The following RSPO2 variants were observed in gnomAD, a reference collection of about 807,000 sequenced individuals.
RSPO2 encodes R-spondin-2.
Under a neutral mutation model 30.9 loss-of-function variants are expected in RSPO2, and 14 were observed. The ratio of observed to expected loss-of-function variants is 0.45; its 90% CI spans 0.30 to 0.71. The LOEUF (loss-of-function observed/expected upper bound fraction) is 0.71. Among genes scored for constraint, RSPO2 ranks in the 30% least tolerant of loss-of-function variants. The probability of loss-of-function intolerance (pLI) is 0.08; values close to 1 mark genes in which losing one functional copy is unlikely to be tolerated. For missense variants in RSPO2, 264 were observed against 301.9 expected, an observed-to-expected ratio of 0.87 and a Z score of 0.93; for synonymous variants, 107 against 96.4, an observed-to-expected ratio of 1.11 and a Z score of -0.64.
intron 3 of RSPO2, among the ~76,000 whole-genome samples, chr8:107,970,859 T>A (rs1488038471): frequency 6.6e-6 from 1 of 152,262 alleles, no homozygotes; most frequent in Non-Finnish European, 1.5e-5. Context: ...TGTAGTTTGA[T>A]ATTTTTAATT....
chr8:108,030,956 G>A lies in RSPO2; in HGVS notation c.95-41712C>T, dbSNP rs192342784. ...GTCCGAGGTCCCTGAAAAAAATGGC[G>A]AATATTTTGCCACTGATGATTATAC... On this transcript the variant is annotated intron_variant, in intron 2 of 5. Coordinates refer to ENST00000276659, the MANE Select transcript of RSPO2 (RefSeq NM_178565.5). Among the ~76,000 whole-genome samples, 124 of 152,178 alleles carry A rather than the reference G, an allele frequency of 8.1e-4. 2 individuals are homozygous for A. The highest frequency in any genetic ancestry group is 3.4e-3 in the Middle Eastern group (1 of 294).
At chr8:108,054,866 C>A (rs1812194133) in intron 2 of RSPO2, among the ~76,000 whole-genome samples, 2 of 152,172 alleles carry the variant, frequency 1.3e-5, no homozygotes, top group South Asian at 4.1e-4. Context: ...CTAATCCCAG[C>A]ACTTTGGAAG....
chr8:107,900,807 G>A lies in RSPO2; in HGVS notation c.*268C>T. 3.0e-6 allele frequency: 1 copy of A among 338,354 alleles called. No individual in the cohort carries two copies. The highest frequency in any genetic ancestry group is 5.4e-6 in the Non-Finnish European group (1 of 186,620). 21.0% of individuals were successfully genotyped at this position (338,354 alleles called of 1,614,324 possible). On this transcript the variant is annotated 3_prime_UTR_variant, in exon 6 of 6. Coordinates refer to ENST00000276659, the MANE Select transcript of RSPO2 (RefSeq NM_178565.5). ...TTCTGCAGCCTCACACCTCTAGCAT[G>A]TCCATGGTGCCGGGGACGGATTCTC... is the stretch of plus-strand genomic sequence containing the variant.
intron 2 of RSPO2, among the ~76,000 whole-genome samples, chr8:108,059,331 T>A (rs1348288061): frequency 1.3e-5 from 2 of 151,582 alleles, no homozygotes; most frequent in Admixed American, 6.6e-5. Context: ...AGAATGGCAA[T>A]CATTAAAAAG....
chr8:108,066,463 T>C (rs1316061841), intron 2 of RSPO2, among the ~76,000 whole-genome samples: 1 of 152,066 alleles, frequency 6.6e-6, no homozygotes, highest in African/African-American at 2.4e-5. Flanking sequence ...TTTTTTTTAA[T>C]GTCATTTTAC....
chr8:108,058,769 T>C (rs952343320), intron 2 of RSPO2, among the ~76,000 whole-genome samples: 8 of 151,846 alleles, frequency 5.3e-5, no homozygotes, highest in Admixed American at 3.3e-4. Context: ...ATTTAATAAA[T>C]GGTGCTGGGA....
chr8:108,017,427 G>A (rs974411956), intron 2 of RSPO2, among the ~76,000 whole-genome samples: 1 of 152,140 alleles, frequency 6.6e-6, no homozygotes, highest in South Asian at 2.1e-4. Flanking sequence ...AGGAGGATGG[G>A]GAAAAGAAGT....
At chr8:108,016,981 A>T (rs921415536) in intron 2 of RSPO2, among the ~76,000 whole-genome samples, 12 of 151,926 alleles carry the variant, frequency 7.9e-5, no homozygotes, top group Non-Finnish European at 5.9e-5. Flanking sequence ...AAAAAAAAAT[A>T]AATTACCCAG....
chr8:108,048,481 A>T (rs1160586477), intron 2 of RSPO2, among the ~76,000 whole-genome samples: 3 of 152,058 alleles, frequency 2.0e-5, no homozygotes, highest in Non-Finnish European at 2.9e-5. Context: ...AAGTTCCAAC[A>T]CTTAAAATAT....
At chr8:107,981,360 A>T (rs896110371) in intron 3 of RSPO2, among the ~76,000 whole-genome samples, 2 of 152,116 alleles carry the variant, frequency 1.3e-5, no homozygotes, top group African/African-American at 4.8e-5. Flanking sequence ...CTCCATTAAA[A>T]ATACAAAAAA....
chr8:108,059,782 C>A (rs577567564), intron 2 of RSPO2, among the ~76,000 whole-genome samples: 1 of 143,592 alleles, frequency 7.0e-6, no homozygotes, highest in Admixed American at 7.5e-5. Flanking sequence ...CATTCTCATT[C>A]ATAGGTGGGA....
chr8:107,950,024 G>A (rs939409459), intron 5 of RSPO2, among the ~76,000 whole-genome samples: 17 of 152,164 alleles, frequency 1.1e-4, no homozygotes, highest in African/African-American at 3.9e-4. Context: ...CGTCCACCAT[G>A]TGATTCCCCA....
intron 2 of RSPO2, among the ~76,000 whole-genome samples, chr8:108,077,381 G>T (rs948051298): frequency 9.9e-5 from 15 of 152,078 alleles, no homozygotes; most frequent in Non-Finnish European, 2.2e-4. Context: ...TGAAATAAGG[G>T]TGACTGATCC....
At chr8:107,977,607 C>G (rs1814261406) in intron 3 of RSPO2, among the ~76,000 whole-genome samples, 2 of 152,036 alleles carry the variant, frequency 1.3e-5, no homozygotes, top group Non-Finnish European at 2.9e-5. Flanking sequence ...GGGAGTGGGT[C>G]TGAGAGAGAC....
At chr8:107,983,597 C>G (rs1227121448) in intron 3 of RSPO2, 15 of 1,596,622 alleles carry the variant, frequency 9.4e-6, no homozygotes, top group Non-Finnish European at 1.3e-5. Flanking sequence ...AGTAAAGCCC[C>G]AAAAGACGAT....
At chr8:107,912,890 T>G (rs1381562148) in intron 5 of RSPO2, among the ~76,000 whole-genome samples, 1 of 152,190 alleles carries the variant, frequency 6.6e-6, no homozygotes, top group Non-Finnish European at 1.5e-5. Flanking sequence ...CAAATAAATG[T>G]AAGTAGTGTG....
At chr8:107,971,699 A>G (rs1814005539) in intron 3 of RSPO2, among the ~76,000 whole-genome samples, 2 of 152,184 alleles carry the variant, frequency 1.3e-5, no homozygotes, top group South Asian at 4.1e-4. Context: ...TTGCAGCTAC[A>G]AGAGAACACT....
intron 2 of RSPO2, among the ~76,000 whole-genome samples, chr8:108,001,404 T>C (rs1815244206): frequency 6.6e-6 from 1 of 152,162 alleles, no homozygotes; most frequent in Admixed American, 6.5e-5. Context: ...CCTATAAGAA[T>C]TACTCCCCTT....
At chr8:108,004,357 A>G (rs1815379155) in intron 2 of RSPO2, among the ~76,000 whole-genome samples, 1 of 152,208 alleles carries the variant, frequency 6.6e-6, no homozygotes, top group African/African-American at 2.4e-5. Context: ...ATTTCCTGCA[A>G]ATGGGCCACT....
Sources: gnomAD v4.1 joint callset for allele counts (sites outside exome capture counted in the v4.1 genomes callset) on GRCh38, gnomAD v4.1.1 for gene constraint, MANE v1.5 for transcripts, NCBI Gene and HGNC (gene_info 2026-07-23, HGNC 2026-07-21) for gene names.